CFAP61: variants seen among roughly 807,000 people sequenced by gnomAD.
The protein encoded by CFAP61 is cilia- and flagella-associated protein 61.
CFAP61 carries 107 observed loss-of-function variants against 135.6 expected under a neutral mutation model. The observed-to-expected ratio is 0.79, with a 90% CI of 0.67 to 0.93. CFAP61 has a LOEUF of 0.93. Among genes scored for constraint, CFAP61 ranks in the 40% least tolerant of loss-of-function variants. CFAP61 has a pLI of 0.00. For missense variants in CFAP61, 1,507 were observed against 1,556.2 expected (o/e 0.97, Z 0.53); for synonymous variants, 575 against 578.5 (o/e 0.99, Z 0.09).
chr20:20,064,674 G>T (rs1428659678), intron 2 of CFAP61, among the ~76,000 whole-genome samples: 1 of 152,102 alleles, frequency 6.6e-6, no homozygotes, highest in Admixed American at 6.6e-5. Flanking sequence ...TTTTCTAACT[G>T]CTGTTGACTG....
chr20:20,285,283 T>TG (rs1329582205), intron 22 of CFAP61, among the ~76,000 whole-genome samples: 5 of 151,716 alleles, frequency 3.3e-5, no homozygotes, highest in Admixed American at 6.6e-5. Flanking sequence ...ATGGTTTGTT[T>TG]TTTTTGTTTT....
At chr20:20,114,489 G>T (rs552573561) in intron 8 of CFAP61, among the ~76,000 whole-genome samples, 1 of 151,970 alleles carries the variant, frequency 6.6e-6, no homozygotes, top group African/African-American at 2.4e-5. Context: ...GAGAGGCTTC[G>T]CATATCTGTT....
intron 18 of CFAP61, among the ~76,000 whole-genome samples, chr20:20,230,160 G>C (rs567698739): frequency 6.6e-6 from 1 of 152,246 alleles, no homozygotes; most frequent in Admixed American, 6.5e-5. Context: ...ATAAAGACAA[G>C]TATAAATTTT....
intron 3 of CFAP61, among the ~76,000 whole-genome samples, chr20:20,073,274 T>C (rs1675228308): frequency 6.6e-6 from 1 of 152,242 alleles, no homozygotes. Context: ...GTCATCGTTA[T>C]CTGGACTTTT....
chr20:20,271,747 G>C (rs1456442565), intron 21 of CFAP61, among the ~76,000 whole-genome samples: 1 of 152,196 alleles, frequency 6.6e-6, no homozygotes. Flanking sequence ...AATCCACCCA[G>C]AGTGTTCTTA....
intron 7 of CFAP61, 131 bp downstream of exon 7, chr20:20,091,107 C>A: frequency 9.8e-7 from 1 of 1,023,158 alleles, no homozygotes; most frequent in Non-Finnish European, 1.5e-6. Flanking sequence ...TCCCACTGCC[C>A]TTCCAGGTGG....
chr20:20,213,892 G>A (rs2047848099), intron 17 of CFAP61, among the ~76,000 whole-genome samples: 1 of 151,802 alleles, frequency 6.6e-6, no homozygotes, highest in Non-Finnish European at 1.5e-5. Context: ...TTTCGCCATG[G>A]TGTGCAATCT....
chr20:20,089,032 G>A (rs895889003), intron 6 of CFAP61, among the ~76,000 whole-genome samples: 5 of 152,120 alleles, frequency 3.3e-5, no homozygotes, highest in Non-Finnish European at 5.9e-5. Flanking sequence ...CCTGCAGGGC[G>A]CAGGAGGAAT....
At chr20:20,339,709 C>T (rs1263843667) in intron 25 of CFAP61, among the ~76,000 whole-genome samples, 1 of 152,058 alleles carries the variant, frequency 6.6e-6, no homozygotes. Context: ...TCTTGAACTC[C>T]TGGTCTCAAG....
Position 20,359,015 on chromosome 20 carries a change from A to T in CFAP61, c.3514-1195A>T, listed in dbSNP as rs565328986. 3.3e-5 allele frequency among the ~76,000 whole-genome samples: 5 copies of T among 152,320 alleles called. No homozygotes were observed. Among genetic ancestry groups the T allele is most frequent in the African/African-American group, 1.2e-4 (5 of 41,572 alleles). ...AGAAGTACCCTGCTCTGGAGGGCAG[A>T]TATGCAGTGGTGAAGCAAATATAGC... is the stretch of plus-strand genomic sequence containing the variant. On this transcript the variant is annotated intron_variant, in intron 26 of 26. Transcript: ENST00000245957. The surrounding 1 kb of genome is among the most constrained non-coding windows in gnomAD (Gnocchi z 4.0).
chr20:20,073,559 G>T (rs894915409), intron 3 of CFAP61, among the ~76,000 whole-genome samples: 2 of 151,742 alleles, frequency 1.3e-5, no homozygotes, highest in Non-Finnish European at 2.9e-5. Flanking sequence ...CATCTGCACT[G>T]TTTCCAGAAT....
At chr20:20,286,478 G>GT (rs1340639449) in intron 22 of CFAP61, among the ~76,000 whole-genome samples, 1 of 152,220 alleles carries the variant, frequency 6.6e-6, no homozygotes, top group Admixed American at 6.5e-5. Context: ...AATGAATGAA[G>GT]TTTATCAGAC....
intron 2 of CFAP61, among the ~76,000 whole-genome samples, chr20:20,062,667 C>G (rs561779890): frequency 6.6e-5 from 10 of 152,140 alleles, no homozygotes; most frequent in African/African-American, 2.4e-4. Flanking sequence ...GACATAATCA[C>G]AAATGTTGCT....
intron 25 of CFAP61, among the ~76,000 whole-genome samples, chr20:20,326,252 A>T (rs1417395097): frequency 1.3e-5 from 2 of 151,870 alleles, no homozygotes; most frequent in East Asian, 1.9e-4. Flanking sequence ...TTTTGCAAAG[A>T]TTTTCTCCCA....
chr20:20,202,671 G>C (rs1216348472), intron 17 of CFAP61, among the ~76,000 whole-genome samples: 1 of 152,178 alleles, frequency 6.6e-6, no homozygotes, highest in Non-Finnish European at 1.5e-5. Context: ...TAGAGCAATA[G>C]CATTGCAGTA....
chr20:20,120,932 T>C (rs2049564953), intron 8 of CFAP61, among the ~76,000 whole-genome samples: 1 of 152,170 alleles, frequency 6.6e-6, no homozygotes, highest in African/African-American at 2.4e-5. Context: ...TCATCTGATA[T>C]TAATATAGCT....
chr20:20,141,909 C>T (rs944455127), intron 8 of CFAP61, among the ~76,000 whole-genome samples: 1 of 152,102 alleles, frequency 6.6e-6, no homozygotes, highest in Non-Finnish European at 1.5e-5. Flanking sequence ...AGGGTCCCTC[C>T]TACATCTGTG....
At chr20:20,310,745 T>A (rs1253590989) in intron 25 of CFAP61, among the ~76,000 whole-genome samples, 2 of 152,172 alleles carry the variant, frequency 1.3e-5, no homozygotes, top group Admixed American at 1.3e-4. Flanking sequence ...ACCAATCCTC[T>A]CTGGCAAAAT....
intron 6 of CFAP61, among the ~76,000 whole-genome samples, chr20:20,084,057 T>G (rs2092520): frequency 0.61 from 92,595 of 151,840 alleles, 28,616 homozygotes; most frequent in East Asian, 0.82. Context: ...ATACCTGAAG[T>G]GAAAGAAAAA....
Sources: allele counts gnomAD v4.1 joint callset (sites outside exome capture counted in the v4.1 genomes callset), GRCh38; gene constraint gnomAD v4.1.1; non-coding constraint Gnocchi (gnomAD v3.1); transcripts MANE v1.5; gene names NCBI Gene and HGNC (gene_info 2026-07-23, HGNC 2026-07-21).